ATRNL1: variants seen among roughly 807,000 people sequenced by gnomAD.
ATRNL1 encodes the protein attractin-like protein 1.
ATRNL1 carries 95 observed loss-of-function variants against 182.7 expected under a neutral mutation model. That is an observed-to-expected ratio of 0.52 (90% CI 0.44 to 0.62). ATRNL1 has a LOEUF of 0.62. Ranked by LOEUF, ATRNL1 falls within the 20% of genes least tolerant of loss-of-function variation. The pLI, the probability that ATRNL1 is intolerant of heterozygous loss-of-function variation, is 0.00. For synonymous variants in ATRNL1, 576 were observed against 568.3 expected, an observed-to-expected ratio of 1.01 and a Z score of -0.19; for missense variants, 1,471 against 1,679.5, an observed-to-expected ratio of 0.88 and a Z score of 2.17.
intron 25 of ATRNL1, among the ~76,000 whole-genome samples, chr10:115,537,240 C>G (rs1852085527): frequency 6.6e-6 from 1 of 152,172 alleles, no homozygotes; most frequent in African/African-American, 2.4e-5. Flanking sequence ...GTTTACAAAG[C>G]TGAGGTTTAT....
chr10:115,131,688 G>T (rs1057260872), intron 5 of ATRNL1, among the ~76,000 whole-genome samples: 1 of 152,182 alleles, frequency 6.6e-6, no homozygotes. Context: ...TCTTTATGAG[G>T]TTCAAAATCT....
intron 26 of ATRNL1, among the ~76,000 whole-genome samples, chr10:115,593,409 A>G (rs1856033157): frequency 6.6e-6 from 1 of 152,248 alleles, no homozygotes; most frequent in Non-Finnish European, 1.5e-5. Flanking sequence ...AGACCAATGG[A>G]ACAGAATAAA....
chr10:115,884,720 C>T (rs76690474), intron 28 of ATRNL1, among the ~76,000 whole-genome samples: 2,221 of 152,268 alleles, frequency 0.015, 46 homozygotes, highest in African/African-American at 0.05. Context: ...TCAGGCATTT[C>T]GTACTTAGCT....
chr10:115,768,363 A>G (rs1451784825), intron 27 of ATRNL1, among the ~76,000 whole-genome samples: 1 of 151,958 alleles, frequency 6.6e-6, no homozygotes, highest in East Asian at 1.9e-4. Context: ...TTGCTTTATG[A>G]TTTGCTATTT....
intron 27 of ATRNL1, among the ~76,000 whole-genome samples, chr10:115,746,096 TAG>T (rs1555069107): frequency 2.0e-5 from 3 of 152,008 alleles, no homozygotes; most frequent in African/African-American, 7.2e-5. Flanking sequence ...TACATAGAAA[TAG>T]AGAGATAAGT....
intron 19 of ATRNL1, among the ~76,000 whole-genome samples, chr10:115,378,987 G>A (rs1857831639): frequency 6.6e-6 from 1 of 152,244 alleles, no homozygotes; most frequent in East Asian, 1.9e-4. Context: ...TGATTTTGAA[G>A]CAGGTACTAC....
intron 27 of ATRNL1, among the ~76,000 whole-genome samples, chr10:115,785,862 G>C (rs1949384296): frequency 6.6e-6 from 1 of 152,144 alleles, no homozygotes; most frequent in African/African-American, 2.4e-5. Context: ...TAAGTATCCA[G>C]ATTCATCCTT....
intron 19 of ATRNL1, among the ~76,000 whole-genome samples, chr10:115,366,239 T>C (rs375247384): frequency 6.6e-6 from 1 of 152,172 alleles, no homozygotes; most frequent in African/African-American, 2.4e-5. Context: ...TAGTTAGCTC[T>C]TCTTGTTGAA....
At chr10:115,379,010 T>C (rs1392488039) in intron 19 of ATRNL1, among the ~76,000 whole-genome samples, 2 of 152,140 alleles carry the variant, frequency 1.3e-5, no homozygotes, top group African/African-American at 2.4e-5. Flanking sequence ...TTGGCTACTC[T>C]TTGGTTTTAT....
At chr10:115,319,490 A>C (rs1410043294) in intron 18 of ATRNL1, among the ~76,000 whole-genome samples, 1 of 152,174 alleles carries the variant, frequency 6.6e-6, no homozygotes, top group Non-Finnish European at 1.5e-5. Context: ...GGGGTGTTAA[A>C]GTGTCCCACT....
chr10:115,604,054 A>C (rs1416037531), intron 26 of ATRNL1, among the ~76,000 whole-genome samples: 2 of 151,838 alleles, frequency 1.3e-5, no homozygotes, highest in Non-Finnish European at 2.9e-5. Flanking sequence ...TTTCGATGTC[A>C]TTTCTGGGTC....
At chr10:115,175,323 T>A (rs1236035994) in intron 8 of ATRNL1, among the ~76,000 whole-genome samples, 3 of 152,074 alleles carry the variant, frequency 2.0e-5, no homozygotes, top group African/African-American at 7.2e-5. Context: ...TGATCAACTA[T>A]TAGTGATAAA....
chr10:115,436,927 C>T (rs1414469635), intron 21 of ATRNL1, among the ~76,000 whole-genome samples: 5 of 152,044 alleles, frequency 3.3e-5, no homozygotes, highest in South Asian at 2.1e-4. Context: ...GTGTGATTTT[C>T]GTAAGAGCTC....
intron 9 of ATRNL1, among the ~76,000 whole-genome samples, chr10:115,235,930 A>T (rs1850159217): frequency 6.6e-6 from 1 of 152,038 alleles, no homozygotes. Context: ...CTTATATTTC[A>T]TTATTCCTTC....
intron 27 of ATRNL1, among the ~76,000 whole-genome samples, chr10:115,832,372 T>C (rs1950579210): frequency 1.3e-5 from 2 of 152,248 alleles, no homozygotes; most frequent in Admixed American, 1.3e-4. Flanking sequence ...GATTGGCTTC[T>C]GTTACCAAGA....
chr10:115,512,427 A>G (rs1270714193), intron 24 of ATRNL1, among the ~76,000 whole-genome samples: 1 of 151,852 alleles, frequency 6.6e-6, no homozygotes, highest in African/African-American at 2.4e-5. Context: ...TTTAATAAGG[A>G]TATTTGAAGT....
intron 25 of ATRNL1, among the ~76,000 whole-genome samples, chr10:115,519,918 A>G (rs1357993391): frequency 6.6e-6 from 1 of 152,150 alleles, no homozygotes; most frequent in East Asian, 1.9e-4. Context: ...TTCAGGGAAC[A>G]TTTATTTTCA....
chr10:115,252,494 C>A (rs935515365), intron 10 of ATRNL1, among the ~76,000 whole-genome samples: 1 of 152,192 alleles, frequency 6.6e-6, no homozygotes, highest in Non-Finnish European at 1.5e-5. Flanking sequence ...GGAGAGTAGC[C>A]TCTACATTGT....
chr10:115,249,747 A>G (rs965936623), intron 10 of ATRNL1, among the ~76,000 whole-genome samples: 1 of 152,048 alleles, frequency 6.6e-6, no homozygotes, highest in Non-Finnish European at 1.5e-5. Flanking sequence ...TTGTTGGTAT[A>G]GAATATTATT....
Sources: gnomAD v4.1 joint callset for allele counts (sites outside exome capture counted in the v4.1 genomes callset) on GRCh38, gnomAD v4.1.1 for gene constraint, MANE v1.5 for transcripts, NCBI Gene and HGNC (gene_info 2026-07-23, HGNC 2026-07-21) for gene names.